The following AGBL1 variants were observed in gnomAD, a reference collection of about 807,000 sequenced individuals.
AGBL1 encodes the protein cytosolic carboxypeptidase 4.
A neutral mutation model predicts 118.9 loss-of-function variants in AGBL1; 130 were observed. The ratio of observed to expected loss-of-function variants is 1.09; its 90% CI spans 0.95 to 1.26. The LOEUF is 1.26. Ranked by LOEUF, AGBL1 falls within the 50% of genes most tolerant of loss-of-function variation. The pLI is 0.00. For missense variants in AGBL1, 1,584 were observed against 1,298.1 expected (o/e 1.22, Z -3.38); for synonymous variants, 555 against 478.9 (o/e 1.16, Z -2.08).
At chr15:86,669,274 T>C (rs1378602104) in intron 21 of AGBL1, among the ~76,000 whole-genome samples, 2 of 152,030 alleles carry the variant, frequency 1.3e-5, no homozygotes, top group African/African-American at 2.4e-5. Context: ...TTTTCAGAAA[T>C]GGTTTTGAGA....
At chr15:86,917,757 A>G (rs966120632), downstream of AGBL1, among the ~76,000 whole-genome samples, 1 of 145,886 alleles carries the variant, frequency 6.9e-6, no homozygotes, top group African/African-American at 2.5e-5. This position sits in a 1 kb window ranked among gnomAD's most constrained non-coding sequence, Gnocchi z 4.8. Flanking sequence ...GAGTGGGGCC[A>G]GGGGTGTGCA....
intron 23 of AGBL1, among the ~76,000 whole-genome samples, chr15:86,980,815 A>G (rs1316427289): frequency 6.6e-6 from 1 of 151,760 alleles, no homozygotes; most frequent in African/African-American, 2.4e-5. Context: ...TTATATGAAC[A>G]TAATTAATTT....
intron 17 of AGBL1, among the ~76,000 whole-genome samples, chr15:86,353,844 G>A (rs575454598): frequency 6.6e-6 from 1 of 152,108 alleles, no homozygotes; most frequent in Non-Finnish European, 1.5e-5. Context: ...GATGAGAGTC[G>A]TATGAGAACC....
chr15:86,835,492 G>A (rs1047184853), intron 22 of AGBL1, among the ~76,000 whole-genome samples: 3 of 152,058 alleles, frequency 2.0e-5, no homozygotes, highest in African/African-American at 7.2e-5. Flanking sequence ...GACCAGTGTA[G>A]GGACACTGTT....
chr15:86,460,318 C>CA (rs1168019827), intron 18 of AGBL1, among the ~76,000 whole-genome samples: 15,761 of 36,702 alleles, frequency 0.43, 5,400 homozygotes, highest in Middle Eastern at 0.57. Context: ...CCTATCTCTA[C>CA]AAAAAAAAAA....
chr15:86,783,353 T>C (rs762926849), intron 22 of AGBL1, among the ~76,000 whole-genome samples: 3 of 152,238 alleles, frequency 2.0e-5, no homozygotes, highest in Non-Finnish European at 4.4e-5. Flanking sequence ...AATTTCCTAA[T>C]CTCTGGGGAT....
At chr15:86,984,359 CT>C (rs2081259663) in intron 23 of AGBL1, among the ~76,000 whole-genome samples, 5 of 21,988 alleles carry the variant, frequency 2.3e-4, no homozygotes, top group Admixed American at 8.9e-4. Flanking sequence ...CCATTTTTTT[CT>C]CTCTTTTTTT....
chr15:86,375,369 G>T (rs1036415953), intron 17 of AGBL1, among the ~76,000 whole-genome samples: 2 of 152,046 alleles, frequency 1.3e-5, no homozygotes, highest in East Asian at 3.9e-4. Flanking sequence ...ACCAGATCTT[G>T]TAAGAACTCA....
intron 1 of AGBL1, chr15:86,083,555 C>T (rs1162553984): frequency 3.3e-5 from 5 of 151,984 alleles, no homozygotes; most frequent in African/African-American, 1.2e-4. Flanking sequence ...CCAAGAACAC[C>T]ATCTATTATG....
chr15:86,891,523 T>A (rs1010214157), intron 22 of AGBL1, among the ~76,000 whole-genome samples: 12 of 150,896 alleles, frequency 8.0e-5, no homozygotes, highest in African/African-American at 2.9e-4. Flanking sequence ...ATTTTAGCAA[T>A]GACCCACAGA....
intron 24 of AGBL1, among the ~76,000 whole-genome samples, chr15:87,018,054 A>AATC (rs397807450): frequency 6.6e-6 from 1 of 151,098 alleles, no homozygotes; most frequent in African/African-American, 2.4e-5. Flanking sequence ...TTTCTAAAAT[A>AATC]GGCAGATAAG....
intron 4 of AGBL1, among the ~76,000 whole-genome samples, chr15:86,155,532 A>C (rs1021162666): frequency 2.0e-5 from 3 of 152,218 alleles, no homozygotes; most frequent in Non-Finnish European, 4.4e-5. Context: ...TCCAGAGCTC[A>C]TTTTAATTCT....
At position 86,524,440 on chromosome 15, in the gene AGBL1, G is replaced by T. The variant is rs147376042; in HGVS notation, c.2685+1501G>T. Among the ~76,000 whole-genome samples, 113 of 152,276 alleles carry T rather than the reference G, an allele frequency of 7.4e-4. 1 individual carries two copies. Among genetic ancestry groups the T allele is most frequent in the African/African-American group, 2.7e-3 (112 of 41,564 alleles). ...GGAGAGACAAGGTACAAATTTCCAGGTATCCTTGCCCAGTAGAGATACACA... is the reference window on the plus strand; with the variant it reads ...GGAGAGACAAGGTACAAATTTCCAGTTATCCTTGCCCAGTAGAGATACACA... On this transcript the variant is annotated intron_variant, in intron 19 of 22. Coordinates refer to ENST00000614907, the MANE Select transcript of AGBL1 (RefSeq NM_001386094.1).
intron 5 of AGBL1, 26 bp downstream of exon 5, chr15:86,159,052 G>T: frequency 5.0e-6 from 8 of 1,601,476 alleles, no homozygotes; most frequent in Non-Finnish European, 6.0e-6. Context: ...TAATACTTCT[G>T]CCCCTTTTGT....
At chr15:86,659,379 A>T (rs1435753472) in intron 21 of AGBL1, among the ~76,000 whole-genome samples, 3 of 152,176 alleles carry the variant, frequency 2.0e-5, no homozygotes, top group Non-Finnish European at 4.4e-5. Flanking sequence ...TGGCTTCCAT[A>T]AGCTAAGACC....
At chr15:86,764,324 T>G (rs950840652) in intron 22 of AGBL1, among the ~76,000 whole-genome samples, 1 of 151,956 alleles carries the variant, frequency 6.6e-6, no homozygotes, top group African/African-American at 2.4e-5. Context: ...TGATATGTAG[T>G]GAAAGTTTAA....
At chr15:86,906,145 CT>C (rs1163238014) in intron 22 of AGBL1, among the ~76,000 whole-genome samples, 8 of 152,176 alleles carry the variant, frequency 5.3e-5, no homozygotes, top group African/African-American at 1.9e-4. Context: ...TTATGAAGTG[CT>C]TGCCTTCTAT....
intron 17 of AGBL1, among the ~76,000 whole-genome samples, chr15:86,387,141 T>A (rs2081209791): frequency 6.6e-6 from 1 of 152,136 alleles, no homozygotes; most frequent in Non-Finnish European, 1.5e-5. Context: ...ATAGATGATG[T>A]TACATCTATG....
chr15:86,210,873 C>A (rs912587967), intron 5 of AGBL1, among the ~76,000 whole-genome samples: 1 of 152,156 alleles, frequency 6.6e-6, no homozygotes, highest in African/African-American at 2.4e-5. Context: ...TGAGGAGCTG[C>A]AATCCTTTGA....
Sources: gnomAD v4.1 joint callset for allele counts (sites outside exome capture counted in the v4.1 genomes callset) on GRCh38, gnomAD v4.1.1 for gene constraint, Gnocchi (gnomAD v3.1) non-coding constraint, MANE v1.5 for transcripts, NCBI Gene and HGNC (gene_info 2026-07-23, HGNC 2026-07-21) for gene names.